Variants in LAMA3 observed in about 807,000 individuals in gnomAD.
LAMA3 encodes laminin subunit alpha-3.
Under a neutral mutation model 402.0 loss-of-function variants are expected in LAMA3, and 281 were observed. That is an observed-to-expected ratio of 0.70 (90% CI 0.63 to 0.77). The LOEUF is 0.77. Among genes scored for constraint, LAMA3 ranks in the 30% least tolerant of loss-of-function variants. The probability of loss-of-function intolerance (pLI) is 0.00; values close to 1 mark genes in which losing one functional copy is unlikely to be tolerated. For missense variants in LAMA3, 3,840 were observed against 4,215.5 expected, an observed-to-expected ratio of 0.91 and a Z score of 2.47; for synonymous variants, 1,431 against 1,558.4, an observed-to-expected ratio of 0.92 and a Z score of 1.93.
At chr18:23,928,376 T>A in intron 63 of LAMA3, 136 bp downstream of exon 63, 1 of 753,166 alleles carries the variant, frequency 1.3e-6, no homozygotes, top group Non-Finnish European at 2.4e-6. Context: ...ACACTCCCCA[T>A]GTGCTTGCAA....
At chr18:23,758,297 A>T in intron 6 of LAMA3, 99 bp from the exon 7 acceptor site, 1 of 798,160 alleles carries the variant, frequency 1.3e-6, no homozygotes. Flanking sequence ...GGTGCCGTGG[A>T]TGACCGTGAT....
chr18:23,873,356 T>G (rs1598970143), intron 38 of LAMA3: 1 of 821,130 alleles, frequency 1.2e-6, no homozygotes, highest in African/African-American at 1.7e-5. Context: ...TGACTGGCAG[T>G]GTTTATTACA....
chr18:23,779,079 C>T (rs1055210404), intron 11 of LAMA3, among the ~76,000 whole-genome samples: 1 of 152,018 alleles, frequency 6.6e-6, no homozygotes, highest in African/African-American at 2.4e-5. Context: ...CAAAAAGAGA[C>T]CAGGTGTGTG....
At chr18:23,733,211 G>A (rs1329546725) in intron 2 of LAMA3, among the ~76,000 whole-genome samples, 2 of 152,162 alleles carry the variant, frequency 1.3e-5, no homozygotes, top group Non-Finnish European at 2.9e-5. Flanking sequence ...CCTGATAAGT[G>A]TAACTACCAT....
At position 23,819,855 on chromosome 18, in the gene LAMA3, A is replaced by G; in HGVS notation, c.2162A>G (p.Tyr721Cys). ...GKVCQRPENN[Y>C]YFPDLHHMKY... ...AATTATGAAAGGCCTGAAAACAACT[A>G]CTATTTCCCAGATTTGCATCATATG... The change falls in exon 19 of 75, where the codon TAC (tyrosine) becomes TGC (cysteine). Residue 721 changes from tyrosine to cysteine, a missense_variant. Transcript: ENST00000313654. 1 of 1,614,106 alleles carries G rather than the reference A, an allele frequency of 6.2e-7. No homozygotes were observed. Among genetic ancestry groups the G allele is most frequent in the Non-Finnish European group, 8.5e-7 (1 of 1,179,942 alleles).
rs775826695 is a variant in LAMA3, at chr18:23,837,020, C to G, written c.3024C>G (p.Arg1008=). The change falls in exon 25 of 75, where the codon CGC becomes CGG. Residue 1008 remains arginine, a synonymous_variant. Transcript: ENST00000313654. ...CRSAVIDHMS[R]IAMYELLADA... Reference sequence around the variant, plus strand: ...GTGCTGTGATTGATCACATGAGCCGCATCGCCATGTATGAGCTATTGGCAG... The same window carrying G: ...GTGCTGTGATTGATCACATGAGCCGGATCGCCATGTATGAGCTATTGGCAG... The G allele has an allele frequency of 6.2e-7, 1 of 1,614,068 alleles. No individual in the cohort carries two copies. Among genetic ancestry groups the G allele is most frequent in the Admixed American group, 1.7e-5 (1 of 60,022 alleles).
At chr18:23,752,223 G>A (rs1234181688) in intron 5 of LAMA3, among the ~76,000 whole-genome samples, 1 of 152,098 alleles carries the variant, frequency 6.6e-6, no homozygotes, top group Non-Finnish European at 1.5e-5. Context: ...ATTTACAAGG[G>A]AGGGCTGGAC....
At chr18:23,811,016 G>A (rs555904984) in intron 13 of LAMA3, among the ~76,000 whole-genome samples, 10 of 152,114 alleles carry the variant, frequency 6.6e-5, no homozygotes, top group South Asian at 2.1e-4. Flanking sequence ...CCGTGTCATC[G>A]TACTTCAGCC....
At chr18:23,795,034 C>T (rs988656911) in intron 12 of LAMA3, among the ~76,000 whole-genome samples, 1 of 152,070 alleles carries the variant, frequency 6.6e-6, no homozygotes, top group African/African-American at 2.4e-5. Flanking sequence ...AAGGTAAAAA[C>T]CAAGCAGTTA....
intron 12 of LAMA3, among the ~76,000 whole-genome samples, chr18:23,787,341 A>G (rs1440174034): frequency 6.6e-6 from 1 of 152,132 alleles, no homozygotes; most frequent in East Asian, 1.9e-4. Context: ...TAAGCACAAC[A>G]TATGGGTAAT....
chr18:23,867,768 G>A (rs1177634830), intron 36 of LAMA3, 66 bp from the exon 37 acceptor site: 1 of 1,225,164 alleles, frequency 8.2e-7, no homozygotes, highest in African/African-American at 1.5e-5. Flanking sequence ...TGTTTTCTTA[G>A]ATCAGTTATA....
rs149873283 is a variant in LAMA3 at position 23,736,396 on chromosome 18, C to T, written c.448-11547C>T. Among the ~76,000 whole-genome samples the T allele has an allele frequency of 4.0e-3, 598 of 150,860 alleles. 4 individuals carry two copies. Among genetic ancestry groups the T allele is most frequent in the Middle Eastern group, 0.017 (5 of 292 alleles). ...GACTATAGGGTGGTATTTGTATGGT[C>T]AATTAGTGAGACTATCTTTCACATT... On this transcript the variant is annotated intron_variant, in intron 2 of 74. Transcript: ENST00000313654.
At chr18:23,851,110 A>C (rs554453662) in intron 32 of LAMA3, among the ~76,000 whole-genome samples, 1 of 152,354 alleles carries the variant, frequency 6.6e-6, no homozygotes, top group South Asian at 2.1e-4. Context: ...GCTAGGCATC[A>C]ATTCCTGAGC....
At position 23,842,754 on chromosome 18, in the gene LAMA3, C is replaced by T. The variant is rs375201670; in HGVS notation, c.3603+4C>T. The T allele has an allele frequency of 2.7e-5, 43 of 1,613,972 alleles. No homozygotes were observed. The highest frequency in any genetic ancestry group is 1.5e-4 in the Admixed American group (9 of 60,008). On this transcript the variant is annotated splice_donor_region_variant and intron_variant, in intron 29 of 74. Coordinates refer to ENST00000313654, the MANE Select transcript of LAMA3 (RefSeq NM_198129.4). Reference sequence around the variant, plus strand: ...AGAAGGAAAGTCCTTGGTTTTGGTGCGTTCCACTCGTTCCTCAACTTGCTC... The same window carrying T: ...AGAAGGAAAGTCCTTGGTTTTGGTGTGTTCCACTCGTTCCTCAACTTGCTC...
At position 23,879,165 on chromosome 18, in the gene LAMA3, A is replaced by G. The variant is rs2064818757; in HGVS notation, c.5112+2758A>G. Among the ~76,000 whole-genome samples the G allele has an allele frequency of 6.6e-6, 1 of 152,130 alleles. No individual in the cohort carries two copies. Among genetic ancestry groups the G allele is most frequent in the Admixed American group, 6.5e-5 (1 of 15,272 alleles). On this transcript the variant is annotated intron_variant, in intron 39 of 74. Transcript: ENST00000313654. This position sits in a 1 kb window ranked among gnomAD's most constrained non-coding sequence, Gnocchi z 4.2. ...TTTCCAAATGATTTATCTGAAATTC[A>G]CAGCTGACATGGTGCTCCTCTGAGG...
At position 23,722,902 on chromosome 18, in the gene LAMA3, G is replaced by A. The variant is rs117125302; in HGVS notation, c.447+8830G>A. Among the ~76,000 whole-genome samples, 9 of 152,280 alleles carry A rather than the reference G, an allele frequency of 5.9e-5. No individual in the cohort carries two copies. In the East Asian group the frequency reaches 1.7e-3, roughly 29 times the overall value. ...GCCACTTCCCAGGATTAAGGCCATTGTAAAGTCGTCAGAGGGATCTTTCTC... is the reference window on the plus strand; with the variant it reads ...GCCACTTCCCAGGATTAAGGCCATTATAAAGTCGTCAGAGGGATCTTTCTC... On this transcript the variant is annotated intron_variant, in intron 2 of 74. Transcript: ENST00000313654.
In LAMA3 at chr18:23,921,085, G is replaced by T. The variant is rs374889478; in HGVS notation, c.8043+31G>T. Reference sequence around the variant, plus strand: ...CCTTTTGAGTCTGTTTACTTGAATCGTTAAATGTCCTTAGTCCTTTAAAAT... The same window carrying T: ...CCTTTTGAGTCTGTTTACTTGAATCTTTAAATGTCCTTAGTCCTTTAAAAT... On this transcript the variant is annotated intron_variant, in intron 61 of 74. Coordinates refer to ENST00000313654, the MANE Select transcript of LAMA3 (RefSeq NM_198129.4). The T allele has an allele frequency of 1.7e-4, 279 of 1,611,306 alleles. 2 individuals are homozygous for T. Among genetic ancestry groups the T allele is most frequent in the Non-Finnish European group, 2.1e-4 (247 of 1,178,472 alleles).
intron 67 of LAMA3, among the ~76,000 whole-genome samples, chr18:23,937,191 C>A (rs1335791885): frequency 6.6e-6 from 1 of 151,892 alleles, no homozygotes; most frequent in East Asian, 1.9e-4. Context: ...CATGGTGAAA[C>A]CCCGTCTCTA....
chr18:23,764,990 A>T (rs905745694), intron 8 of LAMA3, among the ~76,000 whole-genome samples: 1 of 152,014 alleles, frequency 6.6e-6, no homozygotes, highest in African/African-American at 2.4e-5. Context: ...AGACAAATAA[A>T]CAAATGACAA....
Sources: gnomAD v4.1 joint callset for allele counts (sites outside exome capture counted in the v4.1 genomes callset) on GRCh38, gnomAD v4.1.1 for gene constraint, Gnocchi (gnomAD v3.1) non-coding constraint, MANE v1.5 for transcripts, NCBI Gene and HGNC (gene_info 2026-07-23, HGNC 2026-07-21) for gene names.